Variants in PRR11 observed in about 807,000 individuals in gnomAD.
PRR11 encodes the protein proline-rich protein 11.
PRR11 carries 30 observed loss-of-function variants against 45.6 expected under a neutral mutation model. That is an observed-to-expected ratio of 0.66 (90% CI 0.49 to 0.89). The LOEUF is 0.89. Ranked by LOEUF, PRR11 falls within the 40% of genes least tolerant of loss-of-function variation. PRR11 has a pLI of 0.00. For missense variants in PRR11, 373 were observed against 424.8 expected, an observed-to-expected ratio of 0.88 and a Z score of 1.07; for synonymous variants, 128 against 153.5, an observed-to-expected ratio of 0.83 and a Z score of 1.23.
At chr17:59,201,285 T>A (rs575159983) in intron 9 of PRR11, among the ~76,000 whole-genome samples, 353 of 152,336 alleles carry the variant, frequency 2.3e-3, no homozygotes, top group South Asian at 5.0e-3. Context: ...GTGTGGCTTT[T>A]ATCCTCTTAA....
intron 2 of PRR11, among the ~76,000 whole-genome samples, chr17:59,181,219 A>G (rs1599700800): frequency 6.7e-6 from 1 of 150,292 alleles, no homozygotes; most frequent in Non-Finnish European, 1.5e-5. Flanking sequence ...CGATCTCCTG[A>G]CCTCGTAATC....
chr17:59,157,512 G>T (rs755099746), intron 1 of PRR11, among the ~76,000 whole-genome samples: 1 of 152,050 alleles, frequency 6.6e-6, no homozygotes, highest in African/African-American at 2.4e-5. Context: ...GACCAGCCTG[G>T]CCAACATGGC....
intron 2 of PRR11, among the ~76,000 whole-genome samples, chr17:59,177,926 C>T (rs768809268): frequency 6.7e-6 from 1 of 149,656 alleles, no homozygotes. Flanking sequence ...TGCAAGAGCC[C>T]AGGAATTAGA....
intron 4 of PRR11, among the ~76,000 whole-genome samples, chr17:59,190,481 A>G (rs2046835808): frequency 6.8e-6 from 1 of 147,936 alleles, no homozygotes; most frequent in Non-Finnish European, 1.5e-5. Context: ...CTCCATCTCA[A>G]AAAAAAAAAA....
At chr17:59,181,578 C>T in intron 2 of PRR11, 1 of 1,326,994 alleles carries the variant, frequency 7.5e-7, no homozygotes, top group East Asian at 2.5e-5. Flanking sequence ...GCTTCAGCTT[C>T]AGCTTCATTT....
At chr17:59,196,475 C>T (rs1409898402) in intron 7 of PRR11, among the ~76,000 whole-genome samples, 1 of 152,096 alleles carries the variant, frequency 6.6e-6, no homozygotes, top group Admixed American at 6.6e-5. Context: ...CTCCCGGGTT[C>T]CAGCAATTCT....
rs528638482 is a variant in PRR11, at chr17:59,205,263, C to T, written c.*3632C>T. On this transcript the variant is annotated 3_prime_UTR_variant, in exon 10 of 10. Transcript: ENST00000262293. ...TAAACTACGATTTATCATATGCTCC[C>T]GGTGTTTACTTTGAGACTGAATGGC... 1.3e-4 allele frequency among the ~76,000 whole-genome samples: 20 copies of T among 152,038 alleles called. No homozygotes were observed. The highest frequency in any genetic ancestry group is 3.4e-4 in the African/African-American group (14 of 41,512).
At position 59,203,583 on chromosome 17, in the gene PRR11, G is replaced by T. The variant is rs2046903130; in HGVS notation, c.*1952G>T. 6.6e-6 allele frequency: 1 copy of T among 152,290 alleles called. No individual in the cohort carries two copies. Among genetic ancestry groups the T allele is most frequent in the South Asian group, 2.1e-4 (1 of 4,826 alleles). The allele number at this position is 152,290 out of a possible 1,614,324, so 9.4% of individuals were successfully genotyped here. On this transcript the variant is annotated 3_prime_UTR_variant, in exon 10 of 10. Coordinates refer to ENST00000262293, the MANE Select transcript of PRR11 (RefSeq NM_018304.4). Reference sequence around the variant, plus strand: ...GGATGAAAATTAAACAGGTGTCCGGGTGCGGTTACTCATGCCTGTAATCCG... The same window carrying T: ...GGATGAAAATTAAACAGGTGTCCGGTTGCGGTTACTCATGCCTGTAATCCG...
At chr17:59,156,991 A>G (rs1244202489) in intron 1 of PRR11, among the ~76,000 whole-genome samples, 2 of 152,242 alleles carry the variant, frequency 1.3e-5, no homozygotes, top group Non-Finnish European at 2.9e-5. Flanking sequence ...CTCCTGCAAA[A>G]GACTGTAATT....
intron 2 of PRR11, among the ~76,000 whole-genome samples, chr17:59,177,787 A>G (rs1054648908): frequency 6.6e-6 from 1 of 152,206 alleles, no homozygotes; most frequent in Non-Finnish European, 1.5e-5. Flanking sequence ...AGGCTGAGAC[A>G]GGAGGATCAA....
At chr17:59,177,362 G>A (rs2046753536) in intron 2 of PRR11, 5 of 531,800 alleles carry the variant, frequency 9.4e-6, no homozygotes, top group African/African-American at 7.7e-5. Flanking sequence ...TCAGAGAAGG[G>A]ACCTGAGTGT....
At chr17:59,173,705 C>G (rs564991043) in intron 2 of PRR11, among the ~76,000 whole-genome samples, 1 of 152,152 alleles carries the variant, frequency 6.6e-6, no homozygotes, top group Admixed American at 6.5e-5. Flanking sequence ...TTTTTGAAGT[C>G]GGTGAAACCA....
At chr17:59,164,208 G>A (rs1240692976) in intron 1 of PRR11, among the ~76,000 whole-genome samples, 1 of 152,130 alleles carries the variant, frequency 6.6e-6, no homozygotes, top group Non-Finnish European at 1.5e-5. Flanking sequence ...TTGCAGCAGA[G>A]ACCATATGGC....
At chr17:59,171,276 G>C (rs1285877030) in intron 2 of PRR11, among the ~76,000 whole-genome samples, 1 of 150,724 alleles carries the variant, frequency 6.6e-6, no homozygotes, top group Non-Finnish European at 1.5e-5. Context: ...AAAAAAAAAA[G>C]TAACATACAA....
intron 4 of PRR11, among the ~76,000 whole-genome samples, chr17:59,188,733 G>A (rs1437043943): frequency 2.0e-5 from 3 of 151,916 alleles, no homozygotes; most frequent in African/African-American, 7.3e-5. Flanking sequence ...GAGGCCAGGG[G>A]TTTGAGACCA....
chr17:59,195,288 A>G, intron 6 of PRR11, 43 bp from the exon 7 acceptor site: 1 of 1,451,620 alleles, frequency 6.9e-7, no homozygotes, highest in Non-Finnish European at 9.6e-7. Flanking sequence ...TTTGAGTGAT[A>G]TTTTAAAATT....
At chr17:59,184,052 C>CTA (rs570247246) in intron 2 of PRR11, among the ~76,000 whole-genome samples, 111 of 152,256 alleles carry the variant, frequency 7.3e-4, no homozygotes, top group African/African-American at 2.2e-3. Flanking sequence ...CTGCAGTGAG[C>CTA]TATGATCTTG....
At position 59,185,159 on chromosome 17, in the gene PRR11, T is replaced by C; in HGVS notation, c.234T>C (p.Asn78=). The C allele has an allele frequency of 6.2e-7, 1 of 1,612,316 alleles. No individual in the cohort carries two copies. Among genetic ancestry groups the C allele is most frequent in the South Asian group, 1.1e-5 (1 of 90,952 alleles). The change falls in exon 3 of 10, where the codon AAT becomes AAC. Residue 78 remains asparagine (N), a synonymous_variant. Coordinates refer to ENST00000262293, the MANE Select transcript of PRR11 (RefSeq NM_018304.4). ...NIRDAIKLWT[N]RVWSIYSWCQ... Reference sequence around the variant, plus strand: ...GAGATGCAATAAAACTTTGGACAAATAGAGTATGGTCTATATACAGCTGGT... The same window carrying C: ...GAGATGCAATAAAACTTTGGACAAACAGAGTATGGTCTATATACAGCTGGT...
chr17:59,179,593 G>C, intron 2 of PRR11: 1 of 1,503,724 alleles, frequency 6.7e-7, no homozygotes, highest in South Asian at 1.1e-5. Flanking sequence ...GTTATTGGAA[G>C]TTTCCTCTTT....
Sources: allele counts gnomAD v4.1 joint callset (sites outside exome capture counted in the v4.1 genomes callset), GRCh38; gene constraint gnomAD v4.1.1; transcripts MANE v1.5; gene names NCBI Gene and HGNC (gene_info 2026-07-23, HGNC 2026-07-21).